POM121: variants seen among roughly 807,000 people sequenced by gnomAD.
POM121 encodes nuclear envelope pore membrane protein POM 121.
A neutral mutation model predicts 81.3 loss-of-function variants in POM121; 32 were observed. The observed-to-expected ratio is 0.39, with a 90% CI of 0.30 to 0.53. POM121 has a LOEUF of 0.53. POM121 is among the 20% of genes least tolerant of loss of function. The pLI is 0.66. For missense variants in POM121, 1,138 were observed against 1,614.6 expected (o/e 0.70, Z 5.06); for synonymous variants, 514 against 694.2 (o/e 0.74, Z 4.08).
At chr7:72,930,458 ACAG>A (rs1415283825) in intron 5 of POM121, among the ~76,000 whole-genome samples, 1 of 152,256 alleles carries the variant, frequency 6.6e-6, no homozygotes, top group Non-Finnish European at 1.5e-5. Flanking sequence ...CCCAGAATGT[ACAG>A]CAGTGCATGT....
At chr7:72,937,685 T>C (rs1255952305) in intron 5 of POM121, among the ~76,000 whole-genome samples, 1 of 152,194 alleles carries the variant, frequency 6.6e-6, no homozygotes, top group Non-Finnish European at 1.5e-5. Context: ...AAAGACGGTC[T>C]GAGGTGACAG....
At chr7:72,889,964 G>A (rs1405782052) in intron 1 of POM121, among the ~76,000 whole-genome samples, 1 of 152,152 alleles carries the variant, frequency 6.6e-6, no homozygotes, top group Non-Finnish European at 1.5e-5. Context: ...TAATCTGATG[G>A]CATAAAGTTA....
rs1243051682 is a variant in POM121 at position 72,934,082 on chromosome 7, CT to C, written c.1275+3982del. ...GGAAATTTACTTTTTACTGTACAGTCTTTTTTTTTTTCTTTCTTTTGAGACA... is the reference window on the plus strand; with the variant it reads ...GGAAATTTACTTTTTACTGTACAGTCTTTTTTTTTTCTTTCTTTTGAGACA... On this transcript the variant is annotated intron_variant, in intron 5 of 12. Transcript: ENST00000434423. 6.8e-3 allele frequency among the ~76,000 whole-genome samples: 996 copies of C among 147,162 alleles called. 9 individuals are homozygous for C. The highest frequency in any genetic ancestry group is 0.022 in the African/African-American group (881 of 40,390).
intron 4 of POM121, among the ~76,000 whole-genome samples, chr7:72,914,134 A>G (rs1794072195): frequency 6.6e-6 from 1 of 152,206 alleles, no homozygotes; most frequent in South Asian, 2.1e-4. Context: ...AAGCTGCCGG[A>G]CTGTGATGAA....
At chr7:72,881,066 C>CTTTTT (rs3973810) in intron 1 of POM121, among the ~76,000 whole-genome samples, 2 of 47,196 alleles carry the variant, frequency 4.2e-5, no homozygotes, top group African/African-American at 5.4e-5. Flanking sequence ...CCCTATCACT[C>CTTTTT]TTTTTTTTTT....
chr7:72,886,297 C>T (rs1586061999), intron 1 of POM121, among the ~76,000 whole-genome samples: 1 of 152,118 alleles, frequency 6.6e-6, no homozygotes, highest in East Asian at 1.9e-4. Context: ...CCTCAGCCTC[C>T]TGGGTAGCTG....
At position 72,948,004 on chromosome 7, in the gene POM121, G is replaced by A. The variant is rs1297404464; in HGVS notation, c.*1770G>A. On this transcript the variant is annotated 3_prime_UTR_variant, in exon 13 of 13. Transcript: ENST00000434423. ...CCTGTTAGGATTGGAGGGTCTGGGTGGGCCTGGGCCTAGCAATCAAGCTTC... is the reference window on the plus strand; with the variant it reads ...CCTGTTAGGATTGGAGGGTCTGGGTAGGCCTGGGCCTAGCAATCAAGCTTC... 8.9e-7 allele frequency: 1 copy of A among 1,118,108 alleles called. No individual in the cohort carries two copies. Among genetic ancestry groups the A allele is most frequent in the African/African-American group, 1.6e-5 (1 of 60,912 alleles). The allele number at this position is 1,118,108 out of a possible 1,614,324, so 69.3% of individuals were successfully genotyped here. A position where few individuals can be genotyped will look rare whatever the true frequency, so the allele number is the denominator to read the frequency against.
chr7:72,903,935 C>T (rs1411748828), intron 3 of POM121, among the ~76,000 whole-genome samples: 2 of 152,306 alleles, frequency 1.3e-5, no homozygotes, highest in East Asian at 1.9e-4. Context: ...CTTGTGCCGC[C>T]ACACCTGGCT....
At chr7:72,945,538 GCCTCTGC>G in intron 11 of POM121, 41 bp from the exon 12 acceptor site, 1 of 1,607,708 alleles carries the variant, frequency 6.2e-7, no homozygotes, top group Non-Finnish European at 8.5e-7. Flanking sequence ...CTCCTCGCTT[GCCTCTGC>G]CCTCTGCTCA....
chr7:72,944,741 G>A (rs1797495000), intron 11 of POM121, among the ~76,000 whole-genome samples: 1 of 151,654 alleles, frequency 6.6e-6, no homozygotes. Context: ...GGAGATTCGG[G>A]AGCCGGAGCA....
chr7:72,926,315 C>G lies in POM121; in HGVS notation c.698C>G (p.Pro233Arg). The G allele has an allele frequency of 6.2e-7, 1 of 1,603,172 alleles. No homozygotes were observed. The highest frequency in any genetic ancestry group is 1.1e-5 in the South Asian group (1 of 89,842). Residue 233 changes from proline (P) to arginine (R), a missense_variant, in exon 2 of 13, where the codon CCG (proline) becomes CGG (arginine). Pro to Arg is a moderately radical substitution (Grantham distance 103). This residue lies in a region of POM121 where 646 missense variants were observed against 633.5 expected (regional missense o/e 1.02). Transcript: ENST00000434423. ...GTAATAACACCTAGAAGACGCTATCCGATCCATCAGGCCCAGTATTCCTGT... is the reference window on the plus strand; with the variant it reads ...GTAATAACACCTAGAAGACGCTATCGGATCCATCAGGCCCAGTATTCCTGT... ...RFVITPRRRY[P>R]IHQAQYSCLG...
chr7:72,939,789 C>A, intron 7 of POM121, 58 bp from the exon 8 acceptor site: 1 of 1,610,788 alleles, frequency 6.2e-7, no homozygotes, highest in South Asian at 1.1e-5. Flanking sequence ...TGGGTAGACA[C>A]AACCATCCAT....
At chr7:72,946,024 C>G in intron 12 of POM121, 113 bp from the exon 13 acceptor site, 10 of 1,480,646 alleles carry the variant, frequency 6.8e-6, no homozygotes, top group Non-Finnish European at 9.0e-6. Context: ...GGGGAAAGCC[C>G]TATTGAGGCA....
intron 1 of POM121, among the ~76,000 whole-genome samples, chr7:72,881,101 C>G (rs1363908252): frequency 7.0e-5 from 9 of 129,424 alleles, no homozygotes; most frequent in African/African-American, 1.2e-4. Flanking sequence ...GACAGTGTCT[C>G]TCACCCAGTC....
Position 72,948,165 on chromosome 7 carries a change from C to T in POM121, c.*1931C>T, listed in dbSNP as rs1322785592. The T allele has an allele frequency of 8.4e-6, 12 of 1,432,728 alleles. No homozygotes were observed. Among genetic ancestry groups the T allele is most frequent in the Middle Eastern group, 2.5e-4 (1 of 4,042 alleles). 88.8% of individuals were successfully genotyped at this position (1,432,728 alleles called of 1,614,324 possible). A position where few individuals can be genotyped will look rare whatever the true frequency, so the allele number is the denominator to read the frequency against. ...GGATGTGTACAGTACACGCACTGGA[C>T]GGCAGCGGGAGGCTGGGACTTTCCA... On this transcript the variant is annotated 3_prime_UTR_variant, in exon 13 of 13. Transcript: ENST00000434423.
Position 72,946,234 on chromosome 7 carries a change from G to A in POM121, c.3750G>A (p.Ter1250=). 1 of 1,611,366 alleles carries A rather than the reference G, an allele frequency of 6.2e-7. No homozygotes were observed. Among genetic ancestry groups the A allele is most frequent in the Non-Finnish European group, 8.5e-7 (1 of 1,179,584 alleles). ...GAAGGCAGCACACCCGCAAAAAGTA[G>A]CCTTTGTCCCCTGTCCCTGTTCCCC... is the stretch of plus-strand genomic sequence containing the variant. ...QARRQHTRKK[*] The change falls in exon 13 of 13, where the codon TAG becomes TAA. Residue 1250 remains the stop codon, a stop_retained_variant. Transcript: ENST00000434423.
At chr7:72,935,415 T>A (rs1796417492) in intron 5 of POM121, among the ~76,000 whole-genome samples, 1 of 152,210 alleles carries the variant, frequency 6.6e-6, no homozygotes, top group African/African-American at 2.4e-5. Flanking sequence ...GCTCAAGCAA[T>A]CTTCCCACCT....
intron 11 of POM121, among the ~76,000 whole-genome samples, chr7:72,943,756 G>A (rs1369498453): frequency 2.0e-5 from 3 of 152,112 alleles, no homozygotes; most frequent in Non-Finnish European, 2.9e-5. Flanking sequence ...GTAAGCTGAA[G>A]GTTGGGCGCA....
upstream of POM121, chr7:72,924,986 A>G (rs1368958413): frequency 2.3e-6 from 3 of 1,314,820 alleles, no homozygotes; most frequent in Non-Finnish European, 2.9e-6. Flanking sequence ...TTTCCAAACC[A>G]GTTGGGTCTC....
Sources: allele counts gnomAD v4.1 joint callset (sites outside exome capture counted in the v4.1 genomes callset), GRCh38; gene constraint gnomAD v4.1.1; regional missense constraint gnomAD v4.1.1; transcripts MANE v1.5; gene names NCBI Gene and HGNC (gene_info 2026-07-23, HGNC 2026-07-21).